Variants in PI4KA observed in about 807,000 individuals in gnomAD.
PI4KA encodes PI4-kinase alpha.
Under a neutral mutation model 271.4 loss-of-function variants are expected in PI4KA, and 122 were observed. The observed-to-expected ratio is 0.45, with a 90% CI of 0.39 to 0.52. The LOEUF is 0.52. Ranked by LOEUF, PI4KA falls within the 20% of genes least tolerant of loss-of-function variation. PI4KA has a pLI of 0.00. For missense variants in PI4KA, 1,969 were observed against 2,769.1 expected, an observed-to-expected ratio of 0.71 and a Z score of 6.48; for synonymous variants, 1,041 against 1,078.8, an observed-to-expected ratio of 0.96 and a Z score of 0.69.
chr22:20,851,301 C>G (rs1009391191), intron 1 of PI4KA, among the ~76,000 whole-genome samples: 1 of 152,054 alleles, frequency 6.6e-6, no homozygotes, highest in African/African-American at 2.4e-5. Context: ...ATGGTGCCAT[C>G]TTTTGCTTTC....
At chr22:20,825,195 A>G (rs1318339931) in intron 3 of PI4KA, among the ~76,000 whole-genome samples, 1 of 152,158 alleles carries the variant, frequency 6.6e-6, no homozygotes, top group African/African-American at 2.4e-5. Context: ...CAGCACTTAA[A>G]ATTTTAAAGT....
chr22:20,756,854 T>G (rs1601417786), intron 23 of PI4KA, among the ~76,000 whole-genome samples: 1 of 152,250 alleles, frequency 6.6e-6, no homozygotes, highest in South Asian at 2.1e-4. Flanking sequence ...GGTCTCAAAC[T>G]CCTGACCTCA....
At chr22:20,773,156 C>T (rs1932968935) in intron 19 of PI4KA, among the ~76,000 whole-genome samples, 1 of 152,076 alleles carries the variant, frequency 6.6e-6, no homozygotes, top group Admixed American at 6.6e-5. Flanking sequence ...GAGGCCGAGA[C>T]GGGAGGATCA....
Position 20,713,341 on chromosome 22 carries a change from G to C in PI4KA, c.5511C>G (p.Ala1837=). 6.3e-7 allele frequency: 1 copy of C among 1,599,002 alleles called. No homozygotes were observed. Among genetic ancestry groups the C allele is most frequent in the Non-Finnish European group, 8.5e-7 (1 of 1,172,108 alleles). Residue 1837 remains alanine, a synonymous_variant, in exon 48 of 55, where the codon GCC becomes GCG. Transcript: ENST00000255882. The stretch of plus-strand genomic sequence containing the variant: ...CCTGCCAGGAGATCTTCTGGCCGTC[G>C]GCCTCCTGCGTGCTGCACTCATCCT... ...DSEDECSTQE[A]DGQKISWQAA... is the part of the protein sequence containing the mutation.
intron 26 of PI4KA, 41 bp from the exon 27 acceptor site, chr22:20,751,417 C>A: frequency 6.3e-7 from 1 of 1,578,380 alleles, no homozygotes; most frequent in East Asian, 2.2e-5. Flanking sequence ...ACTGCCTTCC[C>A]CAAGTTGCCA....
chr22:20,805,690 G>T lies in PI4KA; in HGVS notation c.1169-525C>A, dbSNP rs1935610315. 2.0e-5 allele frequency among the ~76,000 whole-genome samples: 3 copies of T among 151,852 alleles called. No homozygotes were observed. In the South Asian group the frequency reaches 6.2e-4, roughly 32 times the overall value. On this transcript the variant is annotated intron_variant, in intron 10 of 54. Transcript: ENST00000255882. ...TAATAAAAATACAAAAAATTAGCCG[G>T]GCGTGGTGGTGGGCGCCTGTAGTCC...
At chr22:20,754,554 AGATTTT>A (rs1258284100) in intron 23 of PI4KA, among the ~76,000 whole-genome samples, 2 of 152,224 alleles carry the variant, frequency 1.3e-5, no homozygotes, top group Non-Finnish European at 2.9e-5. Context: ...ATGTCTTTTA[AGATTTT>A]GCCCCTTCAC....
rs143539146 is a variant in PI4KA, at chr22:20,718,704, C to T, written c.5235G>A (p.Ser1745=). Reference sequence around the variant, plus strand: ...AGCACTGCACTTACTTGATGATAGCCGACACGTTGGTGATCTTGTTAAAGA... The same window carrying T: ...AGCACTGCACTTACTTGATGATAGCTGACACGTTGGTGATCTTGTTAAAGA... ...FDFFNKITNV[S]AIIKPYPKGD... Residue 1745 remains serine (S), a synonymous_variant, in exon 44 of 55, where the codon TCG becomes TCA. Coordinates refer to ENST00000255882, the MANE Select transcript of PI4KA (RefSeq NM_058004.4). 8,522 of 1,613,276 alleles carry T rather than the reference C, an allele frequency of 5.3e-3. 19 individuals are homozygous for T. The highest frequency in any genetic ancestry group is 6.5e-3 in the Non-Finnish European group (7,675 of 1,179,718).
At position 20,711,417 on chromosome 22, in the gene PI4KA, C is replaced by T. The variant is rs1395154001; in HGVS notation, c.5847G>A (p.Leu1949=). ...FIRSMAAYSL[L]LFLLQIKDRH... ...TGTCCTTGATCTGCAGCAGGAACAG[C>T]AGGAGGCTGTAGGCGGCCATGCTTC... Residue 1949 remains leucine (L), a synonymous_variant, in exon 51 of 55, where the codon CTG becomes CTA. Coordinates refer to ENST00000255882, the MANE Select transcript of PI4KA (RefSeq NM_058004.4). The T allele has an allele frequency of 1.5e-6, 2 of 1,370,446 alleles. No homozygotes were observed. The highest frequency in any genetic ancestry group is 1.9e-5 in the Admixed American group (1 of 52,318). 84.9% of individuals were successfully genotyped at this position (1,370,446 alleles called of 1,614,324 possible).
chr22:20,801,395 C>G (rs1351193451), intron 14 of PI4KA, among the ~76,000 whole-genome samples: 1 of 149,606 alleles, frequency 6.7e-6, no homozygotes, highest in Non-Finnish European at 1.5e-5. Context: ...ACCAGTCTGG[C>G]CAACATAGTG....
intron 23 of PI4KA, among the ~76,000 whole-genome samples, chr22:20,755,814 AAAAG>A (rs1931227273): frequency 1.3e-5 from 2 of 150,252 alleles, no homozygotes; most frequent in East Asian, 2.2e-4. Context: ...AAAAAAAAAA[AAAAG>A]AAAAGAAAAA....
intron 42 of PI4KA, chr22:20,726,188 T>G: frequency 9.6e-6 from 3 of 313,054 alleles, no homozygotes; most frequent in Non-Finnish European, 1.8e-5. Flanking sequence ...GATTCAGGGA[T>G]TTGAGGGGAC....
chr22:20,829,625 C>T (rs1353635843), intron 3 of PI4KA, among the ~76,000 whole-genome samples: 3 of 148,972 alleles, frequency 2.0e-5, no homozygotes, highest in Non-Finnish European at 4.5e-5. Flanking sequence ...ATTTGTTGAT[C>T]TTCTGTATGG....
At position 20,796,141 on chromosome 22, in the gene PI4KA, C is replaced by T. The variant is rs1355531607; in HGVS notation, c.2277+5G>A. On this transcript the variant is annotated splice_donor_5th_base_variant and intron_variant, in intron 18 of 54. Coordinates refer to ENST00000255882, the MANE Select transcript of PI4KA (RefSeq NM_058004.4). ...TGGGGAAGGCATAGCCATCCTCCTT[C>T]CTACCTTTAGGGCAGGGCCCTTCTC... The T allele has an allele frequency of 6.2e-7, 1 of 1,610,108 alleles. No individual in the cohort carries two copies. Among genetic ancestry groups the T allele is most frequent in the Admixed American group, 1.7e-5 (1 of 59,928 alleles).
At chr22:20,764,674 T>A in intron 22 of PI4KA, 143 bp downstream of exon 22, 1 of 760,718 alleles carries the variant, frequency 1.3e-6, no homozygotes, top group Non-Finnish European at 2.0e-6. Context: ...ACGAGAAAAG[T>A]AGAGGGTGTT....
At chr22:20,754,708 G>C (rs1213140804) in intron 23 of PI4KA, among the ~76,000 whole-genome samples, 3 of 152,188 alleles carry the variant, frequency 2.0e-5, no homozygotes, top group African/African-American at 7.2e-5. Context: ...CCAGCACTTT[G>C]AGAGGCCGAG....
chr22:20,748,959 G>T (rs893686624), intron 28 of PI4KA, among the ~76,000 whole-genome samples: 1 of 152,156 alleles, frequency 6.6e-6, no homozygotes, highest in Non-Finnish European at 1.5e-5. Context: ...AATCAAGACC[G>T]CTTCAAGCCT....
chr22:20,783,857 C>G, intron 19 of PI4KA: 1 of 1,370,380 alleles, frequency 7.3e-7, no homozygotes, highest in Non-Finnish European at 1.0e-6. Context: ...ACTGTGGGGT[C>G]GGCTCTGCAG....
intron 19 of PI4KA, among the ~76,000 whole-genome samples, chr22:20,774,938 A>G (rs746102071): frequency 4.6e-5 from 7 of 152,148 alleles, no homozygotes; most frequent in Non-Finnish European, 1.0e-4. Context: ...AAACCTGGTA[A>G]ATCTCGGTAC....
Sources: gnomAD v4.1 joint callset for allele counts (sites outside exome capture counted in the v4.1 genomes callset) on GRCh38, gnomAD v4.1.1 for gene constraint, MANE v1.5 for transcripts, NCBI Gene and HGNC (gene_info 2026-07-23, HGNC 2026-07-21) for gene names.